ABCA6: variants seen among roughly 807,000 people sequenced by gnomAD.
The protein encoded by ABCA6 is ATP-binding cassette sub-family A member 6.
Under a neutral mutation model 191.2 loss-of-function variants are expected in ABCA6, and 164 were observed. The observed-to-expected ratio is 0.86, with a 90% CI of 0.76 to 0.98. ABCA6 has a LOEUF of 0.98. ABCA6 is among the 50% of genes least tolerant of loss of function. The pLI is 0.00. For missense variants in ABCA6, 1,958 were observed against 1,894.1 expected (o/e 1.03, Z -0.63); for synonymous variants, 636 against 647.7 (o/e 0.98, Z 0.27).
intron 26 of ABCA6, 61 bp from the exon 27 acceptor site, chr17:69,089,603 A>C: frequency 7.5e-7 from 1 of 1,335,842 alleles, no homozygotes; most frequent in Non-Finnish European, 1.0e-6. Flanking sequence ...TATGATTTGC[A>C]CTTAAATAAT....
rs970708441 is a variant in ABCA6, at chr17:69,090,135, A to G, written c.3529-593T>C. Among the ~76,000 whole-genome samples, 30 of 152,236 alleles carry G rather than the reference A, an allele frequency of 2.0e-4. 1 individual carries two copies. The highest frequency in any genetic ancestry group is 8.8e-5 in the Non-Finnish European group (6 of 68,038). On this transcript the variant is annotated intron_variant, in intron 26 of 38. Coordinates refer to ENST00000284425, the MANE Select transcript of ABCA6 (RefSeq NM_080284.3). ...GGAGGAAAATGCTTTAAGCAAAGGGATTAGTTTCTAATCGAGAACTTCAGG... is the reference window on the plus strand; with the variant it reads ...GGAGGAAAATGCTTTAAGCAAAGGGGTTAGTTTCTAATCGAGAACTTCAGG...
rs760102956 is a variant in ABCA6 at position 69,102,926 on chromosome 17, T to G, written c.2783A>C (p.Asn928Thr). 77 of 1,569,576 alleles carry G rather than the reference T, an allele frequency of 4.9e-5. No homozygotes were observed. The highest frequency in any genetic ancestry group is 6.1e-5 in the Non-Finnish European group (70 of 1,147,616). ...EDFIKSLKHQNILLEVDDFEN... is the reference protein window; with the variant it reads ...EDFIKSLKHQTILLEVDDFEN... ...AAAGTCATCTACTTCCAAAAGTATA[T>G]TTTGATGCTTCAGTGATTTTATAAA... The change falls in exon 21 of 39, where the codon AAT (asparagine) becomes ACT (threonine). Residue 928 changes from asparagine to threonine, a missense_variant. Asn to Thr is a moderately conservative substitution (Grantham distance 65). Transcript: ENST00000284425.
chr17:69,107,006 C>T (rs190490785), intron 18 of ABCA6, among the ~76,000 whole-genome samples: 1 of 152,214 alleles, frequency 6.6e-6, no homozygotes, highest in African/African-American at 2.4e-5. Context: ...AATCATTACA[C>T]CTAAATATCT....
At chr17:69,083,539 TACTA>T (rs1264758144) in intron 34 of ABCA6, among the ~76,000 whole-genome samples, 2 of 152,214 alleles carry the variant, frequency 1.3e-5, no homozygotes, top group African/African-American at 2.4e-5. Context: ...CTTCTGAAGA[TACTA>T]ACTGAAATAT....
In ABCA6 at chr17:69,112,186, A is replaced by G. The variant is rs2073436085; in HGVS notation, c.2129T>C (p.Leu710Pro). The change falls in exon 16 of 39, where the codon CTA (leucine) becomes CCA (proline). Residue 710 changes from leucine (L) to proline (P), a missense_variant. Physicochemically the swap from Leu to Pro is moderately conservative, Grantham distance 98. Transcript: ENST00000284425. ...LKRRWGLGYH[L>P]SLHRNEICNP... ...AATCTATTCCCAAAGTCTTTACCTTAGGTGATATCCAAGACCCCACCTTCT... is the reference window on the plus strand; with the variant it reads ...AATCTATTCCCAAAGTCTTTACCTTGGGTGATATCCAAGACCCCACCTTCT... 1 of 1,607,894 alleles carries G rather than the reference A, an allele frequency of 6.2e-7. No homozygotes were observed. The highest frequency in any genetic ancestry group is 8.5e-7 in the Non-Finnish European group (1 of 1,174,978).
Position 69,117,938 on chromosome 17 carries a change from C to T in ABCA6, c.1455G>A (p.Lys485=), listed in dbSNP as rs887340056. The part of the protein sequence containing the change: ...KEAIRIRNVK[K]EYKGKSGKVE... ...CTTTTCCAGATTTTCCTTTATATTC[C>T]TTCTTAACATTTCTGATTCTGAAAT... The change falls in exon 11 of 39, where the codon AAG becomes AAA. Residue 485 remains lysine (K), a synonymous_variant. Coordinates refer to ENST00000284425, the MANE Select transcript of ABCA6 (RefSeq NM_080284.3). The T allele has an allele frequency of 4.4e-6, 7 of 1,588,624 alleles. No homozygotes were observed. In the African/African-American group the frequency reaches 9.5e-5, roughly 22 times the overall value.
chr17:69,121,651 T>A (rs1216889648), intron 10 of ABCA6, among the ~76,000 whole-genome samples: 2 of 151,986 alleles, frequency 1.3e-5, no homozygotes, highest in Admixed American at 6.6e-5. Context: ...CATTTTACTT[T>A]CTTTCCTAGG....
intron 25 of ABCA6, 97 bp from the exon 26 acceptor site, chr17:69,091,359 T>C: frequency 7.4e-7 from 1 of 1,360,052 alleles, no homozygotes; most frequent in South Asian, 1.3e-5. Flanking sequence ...ATGTATATCA[T>C]AATGTTCCCA....
chr17:69,097,597 GCCTTTGATTT>G (rs1404833803), intron 23 of ABCA6, among the ~76,000 whole-genome samples: 2 of 152,008 alleles, frequency 1.3e-5, no homozygotes, highest in Non-Finnish European at 2.9e-5. Flanking sequence ...CTTAAATTTG[GCCTTTGATTT>G]CAACATCAAT....
At chr17:69,124,822 T>A in intron 9 of ABCA6, 66 bp downstream of exon 9, 1 of 904,918 alleles carries the variant, frequency 1.1e-6, no homozygotes, top group Non-Finnish European at 1.6e-6. Context: ...GTCTATATAA[T>A]CTTAAAAAAT....
chr17:69,082,350 C>T (rs2072658505), intron 36 of ABCA6, among the ~76,000 whole-genome samples: 1 of 150,660 alleles, frequency 6.6e-6, no homozygotes, highest in African/African-American at 2.5e-5. Context: ...CACACACACA[C>T]ACACACACAC....
At chr17:69,125,134 G>A (rs1279279755) in intron 8 of ABCA6, 99 bp from the exon 9 acceptor site, 22 of 543,722 alleles carry the variant, frequency 4.0e-5, no homozygotes, top group Admixed American at 8.6e-5. Context: ...TTTTTCAAGA[G>A]GCACTTAGTA....
chr17:69,134,263 G>A (rs996442542), intron 5 of ABCA6, among the ~76,000 whole-genome samples: 2 of 152,138 alleles, frequency 1.3e-5, no homozygotes, highest in African/African-American at 4.8e-5. Flanking sequence ...CCATTGTGAT[G>A]GTATTAGGAG....
At chr17:69,085,540 A>T in intron 31 of ABCA6, 85 bp downstream of exon 31, 1 of 844,600 alleles carries the variant, frequency 1.2e-6, no homozygotes, top group Non-Finnish European at 1.7e-6. Flanking sequence ...AAAAAAGAAA[A>T]GAAAAATAGT....
intron 18 of ABCA6, among the ~76,000 whole-genome samples, chr17:69,107,275 CAAT>C (rs1226779666): frequency 1.3e-5 from 2 of 152,080 alleles, no homozygotes; most frequent in Non-Finnish European, 2.9e-5. Context: ...TCCATAATGA[CAAT>C]GATTATTATC....
intron 2 of ABCA6, among the ~76,000 whole-genome samples, chr17:69,139,313 A>G (rs188935488): frequency 4.3e-4 from 65 of 152,370 alleles, no homozygotes; most frequent in Middle Eastern, 3.4e-3. Flanking sequence ...TCTCAAAAGA[A>G]GACATTTATG....
chr17:69,084,271 G>A lies in ABCA6; in HGVS notation c.4345C>T (p.Gln1449Ter), dbSNP rs769536353. 2 of 1,614,024 alleles carry A rather than the reference G, an allele frequency of 1.2e-6. No homozygotes were observed. Among genetic ancestry groups the A allele is most frequent in the Middle Eastern group, 1.6e-4 (1 of 6,062 alleles). Residue 1449 changes from glutamine (Q) to a stop codon, truncating the protein, a stop_gained, in exon 34 of 39, where the codon CAG (glutamine) becomes TAG (stop). Transcript: ENST00000284425. LOFTEE classifies it high-confidence loss of function. ...PSTGIDPTGQ[Q>*]QMWQAIQAVV... Reference sequence around the variant, plus strand: ...TATAATGATGCTCACCACATTTGCTGCTGCCCTGTGGGGTCTATGCCCGTA... The same window carrying A: ...TATAATGATGCTCACCACATTTGCTACTGCCCTGTGGGGTCTATGCCCGTA...
In ABCA6 at chr17:69,096,807, T is replaced by TAA; in HGVS notation, c.3121-8_3121-7dup. On this transcript the variant is annotated splice_polypyrimidine_tract_variant and splice_region_variant and intron_variant, in intron 23 of 38. Transcript: ENST00000284425. ...AGCTGGGACTTAGCATTTTTCTGAT[T>TAA]AAAAAAAAAAAGAAAGAAAGAAATG... 3.7e-5 allele frequency: 45 copies of TAA among 1,201,800 alleles called. No homozygotes were observed. Among genetic ancestry groups the TAA allele is most frequent in the Middle Eastern group, 2.1e-4 (1 of 4,784 alleles). 74.4% of individuals were successfully genotyped at this position (1,201,800 alleles called of 1,614,324 possible). A position where few individuals can be genotyped will look rare whatever the true frequency, so the allele number is the denominator to read the frequency against.
intron 18 of ABCA6, among the ~76,000 whole-genome samples, chr17:69,106,681 A>G (rs2073313540): frequency 6.6e-6 from 1 of 150,452 alleles, no homozygotes; most frequent in East Asian, 1.9e-4. Flanking sequence ...TTCAATATTT[A>G]TTGTTTATAC....
Sources: gnomAD v4.1 joint callset for allele counts (sites outside exome capture counted in the v4.1 genomes callset) on GRCh38, gnomAD v4.1.1 for gene constraint, MANE v1.5 for transcripts, NCBI Gene and HGNC (gene_info 2026-07-23, HGNC 2026-07-21) for gene names.